Variants in PLXDC1 observed in about 807,000 individuals in gnomAD.
PLXDC1 encodes the protein plexin domain-containing protein 1.
A neutral mutation model predicts 61.3 loss-of-function variants in PLXDC1; 39 were observed. That is an observed-to-expected ratio of 0.64 (90% CI 0.49 to 0.83). The LOEUF (loss-of-function observed/expected upper bound fraction) is 0.83. Ranked by LOEUF, PLXDC1 falls within the 40% of genes least tolerant of loss-of-function variation. PLXDC1 has a pLI of 0.00. For synonymous variants in PLXDC1, 212 were observed against 254.5 expected (o/e 0.83, Z 1.59); for missense variants, 596 against 666.5 (o/e 0.89, Z 1.17).
In PLXDC1 at chr17:39,137,706, A is replaced by G. The variant is rs1911800014; in HGVS notation, c.255+1948T>C. On this transcript the variant is annotated intron_variant, in intron 2 of 13. Transcript: ENST00000315392. ...TCTGTGCAACCTTTCCCAGGAAGCT[A>G]AACAAACAAAAGGATGAAGCAGGAA... Among the ~76,000 whole-genome samples the G allele has an allele frequency of 2.0e-5, 3 of 152,328 alleles. No homozygotes were observed. The South Asian group carries it at 6.2e-4, about 32-fold the overall frequency.
chr17:39,146,060 C>T (rs572073217), intron 1 of PLXDC1, among the ~76,000 whole-genome samples: 16 of 148,662 alleles, frequency 1.1e-4, no homozygotes, highest in Non-Finnish European at 1.9e-4. Flanking sequence ...GGCTGCACTT[C>T]GGCCCATTCC....
In PLXDC1 at chr17:39,105,911, C is replaced by T. The variant is rs1910575140; in HGVS notation, c.754G>A (p.Val252Ile). ...AAGGCATCCGATAGGCCGGTTTTGACAGGATGCTGGGAGGAGCTGATTTCC... is the reference window on the plus strand; with the variant it reads ...AAGGCATCCGATAGGCCGGTTTTGATAGGATGCTGGGAGGAGCTGATTTCC... ...VPEISSSQHP[V>I]KTGLSDAFMI... Residue 252 changes from valine to isoleucine, a missense_variant, in exon 7 of 14, where the codon GTC becomes ATC. Val to Ile is a conservative substitution (Grantham distance 29). Coordinates refer to ENST00000315392, the MANE Select transcript of PLXDC1 (RefSeq NM_020405.5). 1.2e-6 allele frequency: 2 copies of T among 1,613,934 alleles called. No individual in the cohort carries two copies. Among genetic ancestry groups the T allele is most frequent in the East Asian group, 2.2e-5 (1 of 44,888 alleles).
In PLXDC1 at chr17:39,067,605, A is replaced by T. The variant is rs1266959427; in HGVS notation, c.*235T>A. ...AGACACAGAAGAGAACCCTTGCATCAAAACAGGATGAGATTAGGTTGTTGT... is the reference window on the plus strand; with the variant it reads ...AGACACAGAAGAGAACCCTTGCATCTAAACAGGATGAGATTAGGTTGTTGT... On this transcript the variant is annotated 3_prime_UTR_variant, in exon 14 of 14. Transcript: ENST00000315392. 1 of 454,374 alleles carries T rather than the reference A, an allele frequency of 2.2e-6. No homozygotes were observed. The highest frequency in any genetic ancestry group is 3.9e-6 in the Non-Finnish European group (1 of 253,954). The allele number at this position is 454,374 out of a possible 1,614,324, so 28.1% of individuals were successfully genotyped here.
At chr17:39,105,785 G>A in intron 7 of PLXDC1, 69 bp downstream of exon 7, 1 of 931,960 alleles carries the variant, frequency 1.1e-6, no homozygotes, top group Non-Finnish European at 1.7e-6. Flanking sequence ...CATCCCCCCA[G>A]CAGCTCAGGT....
At chr17:39,114,920 CG>C (rs1910919816) in intron 2 of PLXDC1, among the ~76,000 whole-genome samples, 1 of 152,182 alleles carries the variant, frequency 6.6e-6, no homozygotes. Context: ...AATGAGTGCC[CG>C]GGACAGAAGC....
chr17:39,090,090 T>C (rs1164446355), intron 7 of PLXDC1, among the ~76,000 whole-genome samples: 2 of 152,104 alleles, frequency 1.3e-5, no homozygotes, highest in Admixed American at 1.3e-4. Context: ...TGAGCCACCA[T>C]GCCTGGCCTG....
intron 2 of PLXDC1, among the ~76,000 whole-genome samples, chr17:39,120,155 T>C (rs1430908954): frequency 6.6e-6 from 1 of 152,040 alleles, no homozygotes; most frequent in Admixed American, 6.6e-5. Context: ...CAGCGCTTTT[T>C]TGTTTTGTTT....
chr17:39,123,301 C>T (rs1172926650), intron 2 of PLXDC1, among the ~76,000 whole-genome samples: 2 of 152,202 alleles, frequency 1.3e-5, no homozygotes, highest in Non-Finnish European at 2.9e-5. Context: ...AGTGATTCTA[C>T]TGCCTCAGCC....
At chr17:39,088,335 C>T (rs1859628198) in intron 7 of PLXDC1, among the ~76,000 whole-genome samples, 2 of 152,236 alleles carry the variant, frequency 1.3e-5, no homozygotes, top group South Asian at 2.1e-4. Context: ...GGCTTGCAGC[C>T]AGGCTCGAGT....
intron 1 of PLXDC1, among the ~76,000 whole-genome samples, chr17:39,140,467 A>G (rs1193145814): frequency 1.3e-5 from 2 of 152,100 alleles, no homozygotes; most frequent in Admixed American, 6.6e-5. Context: ...TACCGCGCCC[A>G]GCTAATTTTT....
chr17:39,081,294 A>T (rs1426281322), intron 9 of PLXDC1: 1 of 152,484 alleles, frequency 6.6e-6, no homozygotes, highest in Non-Finnish European at 1.5e-5. Context: ...TGTGAGTCTC[A>T]TGCGAAGGAT....
At chr17:39,147,881 C>A (rs548194321) in intron 1 of PLXDC1, among the ~76,000 whole-genome samples, 2 of 152,238 alleles carry the variant, frequency 1.3e-5, no homozygotes, top group East Asian at 1.9e-4. Flanking sequence ...GTCTAGTTTT[C>A]TTCATGGAGA....
At position 39,067,492 on chromosome 17, in the gene PLXDC1, A is replaced by C; in HGVS notation, c.*348T>G. 5.4e-6 allele frequency: 1 copy of C among 184,044 alleles called. No individual in the cohort carries two copies. The highest frequency in any genetic ancestry group is 1.1e-5 in the Non-Finnish European group (1 of 88,346). The allele number at this position is 184,044 out of a possible 1,614,324, so 11.4% of individuals were successfully genotyped here. A position where few individuals can be genotyped will look rare whatever the true frequency, so the allele number is the denominator to read the frequency against. ...CGTTTTATGTCAGTGCTCTAAAGTT[A>C]TCCTAGCCTAGGTGCAGGAATAGGT... is the stretch of plus-strand genomic sequence containing the variant. On this transcript the variant is annotated 3_prime_UTR_variant, in exon 14 of 14. Coordinates refer to ENST00000315392, the MANE Select transcript of PLXDC1 (RefSeq NM_020405.5).
At chr17:39,135,436 G>A (rs1911713836) in intron 2 of PLXDC1, among the ~76,000 whole-genome samples, 1 of 152,182 alleles carries the variant, frequency 6.6e-6, no homozygotes, top group South Asian at 2.1e-4. Context: ...CAGCACTTTG[G>A]GAGGCTGAGG....
intron 1 of PLXDC1, among the ~76,000 whole-genome samples, chr17:39,146,948 A>ATTTTTTTTTTTTT (rs869300584): frequency 6.7e-5 from 5 of 74,698 alleles, no homozygotes; most frequent in African/African-American, 2.1e-4. Context: ...ACAGGAAATG[A>ATTTTTTTTTTTTT]TTTTTTTTTT....
chr17:39,084,882 T>C (rs1455936476), intron 8 of PLXDC1, among the ~76,000 whole-genome samples: 1 of 152,196 alleles, frequency 6.6e-6, no homozygotes, highest in Non-Finnish European at 1.5e-5. Flanking sequence ...AATCCAGTGC[T>C]ACTCACTTGA....
chr17:39,104,452 G>T (rs980060060), intron 7 of PLXDC1, among the ~76,000 whole-genome samples: 2 of 151,996 alleles, frequency 1.3e-5, no homozygotes, highest in Non-Finnish European at 2.9e-5. Context: ...TAGATTAAAG[G>T]CCCCATTGTT....
chr17:39,142,440 C>T (rs1172105845), intron 1 of PLXDC1, among the ~76,000 whole-genome samples: 3 of 152,190 alleles, frequency 2.0e-5, no homozygotes, highest in Non-Finnish European at 2.9e-5. Flanking sequence ...GGCCATTTCG[C>T]GGCCATGCGA....
chr17:39,116,021 A>G (rs1167252398), intron 2 of PLXDC1, among the ~76,000 whole-genome samples: 1 of 152,208 alleles, frequency 6.6e-6, no homozygotes, highest in Non-Finnish European at 1.5e-5. Flanking sequence ...AGGCTGAGGC[A>G]GTATATTCAA....
Sources: allele counts gnomAD v4.1 joint callset (sites outside exome capture counted in the v4.1 genomes callset), GRCh38; gene constraint gnomAD v4.1.1; transcripts MANE v1.5; gene names NCBI Gene and HGNC (gene_info 2026-07-23, HGNC 2026-07-21).